Variants in LRP1B observed in about 807,000 individuals in gnomAD.
The protein encoded by LRP1B is LDL receptor related protein 1B.
A neutral mutation model predicts 556.6 loss-of-function variants in LRP1B; 217 were observed. The ratio of observed to expected loss-of-function variants is 0.39; its 90% CI spans 0.35 to 0.44. LRP1B has a LOEUF of 0.44. Ranked by LOEUF, LRP1B falls within the 20% of genes least tolerant of loss-of-function variation. LRP1B has a pLI of 1.00. For synonymous variants in LRP1B, 2,047 were observed against 1,865.8 expected, an observed-to-expected ratio of 1.10 and a Z score of -2.50; for missense variants, 5,053 against 5,620.8, an observed-to-expected ratio of 0.90 and a Z score of 3.23.
At chr2:141,671,133 A>T (rs1690650716) in intron 2 of LRP1B, among the ~76,000 whole-genome samples, 1 of 152,214 alleles carries the variant, frequency 6.6e-6, no homozygotes, top group Non-Finnish European at 1.5e-5. Flanking sequence ...TTAAATTACA[A>T]TTAGTGAGGT....
At chr2:141,927,172 T>G (rs1700356097) in intron 1 of LRP1B, among the ~76,000 whole-genome samples, 1 of 151,458 alleles carries the variant, frequency 6.6e-6, no homozygotes, top group Non-Finnish European at 1.5e-5. Context: ...TTACAATACT[T>G]TTAGAAAGAA....
intron 3 of LRP1B, among the ~76,000 whole-genome samples, chr2:141,462,544 A>G (rs978423074): frequency 1.3e-5 from 2 of 152,164 alleles, no homozygotes; most frequent in African/African-American, 4.8e-5. Context: ...CCTAATGCAT[A>G]AAGAGCTTAA....
intron 2 of LRP1B, among the ~76,000 whole-genome samples, chr2:141,624,803 G>A (rs1024395745): frequency 6.6e-6 from 1 of 151,794 alleles, no homozygotes; most frequent in African/African-American, 2.4e-5. Flanking sequence ...GGGGTCTCGC[G>A]CTGTCACCCA....
intron 3 of LRP1B, among the ~76,000 whole-genome samples, chr2:141,366,168 A>C (rs11899853): frequency 0.06 from 9,195 of 152,240 alleles, 385 homozygotes; most frequent in African/African-American, 0.11. Context: ...TTATTTGGTC[A>C]TTTTGATGGT....
intron 18 of LRP1B, among the ~76,000 whole-genome samples, chr2:140,970,580 G>C (rs72617082): frequency 0.029 from 4,395 of 152,152 alleles, 165 homozygotes; most frequent in East Asian, 0.19. Context: ...ACGTTCCTCA[G>C]TTGGAAATGC....
intron 1 of LRP1B, among the ~76,000 whole-genome samples, chr2:141,928,680 G>A (rs1700403893): frequency 6.6e-6 from 1 of 152,038 alleles, no homozygotes; most frequent in Admixed American, 6.6e-5. Context: ...TTGGCATGTT[G>A]GAAGCATGAA....
At chr2:140,378,547 GT>G (rs568215453) in intron 67 of LRP1B, among the ~76,000 whole-genome samples, 79 of 152,274 alleles carry the variant, frequency 5.2e-4, no homozygotes, top group African/African-American at 1.9e-3. Flanking sequence ...ATGGTCTACT[GT>G]TTAATAAAAA....
At chr2:141,096,679 A>G (rs145954401) in intron 7 of LRP1B, among the ~76,000 whole-genome samples, 1,204 of 88,412 alleles carry the variant, frequency 0.014, 157 homozygotes, top group East Asian at 0.091. Context: ...AGAGAGAGAG[A>G]GAGAGAGAGA....
Position 141,781,061 on chromosome 2 carries a change from C to T in LRP1B, c.205+29218G>A, listed in dbSNP as rs367661286. 9.9e-5 allele frequency among the ~76,000 whole-genome samples: 15 copies of T among 152,050 alleles called. 1 individual carries two copies. Among genetic ancestry groups the T allele is most frequent in the Admixed American group, 5.9e-4 (9 of 15,256 alleles). On this transcript the variant is annotated intron_variant, in intron 2 of 90. Coordinates refer to ENST00000389484, the MANE Select transcript of LRP1B (RefSeq NM_018557.3). ...GAATAGAGACCCAGAGAGGAGAATG[C>T]GGCACTTGTAGAGAGGAAAGCAGAT... is the stretch of plus-strand genomic sequence containing the variant.
intron 66 of LRP1B, among the ~76,000 whole-genome samples, chr2:140,427,095 A>T (rs1685692372): frequency 6.6e-6 from 1 of 152,058 alleles, no homozygotes; most frequent in Admixed American, 6.6e-5. Flanking sequence ...AAGGAGACAC[A>T]TTTTATCCGT....
intron 32 of LRP1B, among the ~76,000 whole-genome samples, chr2:140,779,954 A>G (rs1001190636): frequency 6.6e-6 from 1 of 152,060 alleles, no homozygotes; most frequent in African/African-American, 2.4e-5. Flanking sequence ...AAAGCCCCAG[A>G]ATAAATGCTA....
chr2:141,971,583 C>T (rs113896203), intron 1 of LRP1B, among the ~76,000 whole-genome samples: 15 of 151,206 alleles, frequency 9.9e-5, no homozygotes, highest in African/African-American at 3.1e-4. Flanking sequence ...GGGATTTTGT[C>T]GATGGTAACA....
intron 1 of LRP1B, among the ~76,000 whole-genome samples, chr2:142,073,957 G>A (rs1705410947): frequency 6.6e-6 from 1 of 151,954 alleles, no homozygotes; most frequent in Admixed American, 6.6e-5. Context: ...ACAGCTTGTG[G>A]AAGGAATCGT....
chr2:141,740,044 G>A (rs1693638480), intron 2 of LRP1B, among the ~76,000 whole-genome samples: 1 of 152,034 alleles, frequency 6.6e-6, no homozygotes, highest in African/African-American at 2.4e-5. Context: ...AAATTAATAA[G>A]AGGTTTGCGA....
chr2:141,005,797 C>A (rs1257565020), intron 14 of LRP1B, among the ~76,000 whole-genome samples: 3 of 151,898 alleles, frequency 2.0e-5, no homozygotes, highest in African/African-American at 7.3e-5. Flanking sequence ...GGAAAGTAGA[C>A]CACTGGCTCT....
At chr2:140,886,110 A>T (rs2105191794) in intron 24 of LRP1B, 28 bp downstream of exon 24, 7 of 1,382,284 alleles carry the variant, frequency 5.1e-6, no homozygotes, top group Non-Finnish European at 6.9e-6. Flanking sequence ...AGTAATCTAA[A>T]CATTAAGAAA....
chr2:141,072,371 T>G (rs922854795), intron 7 of LRP1B, among the ~76,000 whole-genome samples: 8 of 152,062 alleles, frequency 5.3e-5, no homozygotes, highest in Non-Finnish European at 1.0e-4. Context: ...ATCAAGGAAG[T>G]CAGTATCCCA....
At chr2:141,413,523 C>T (rs1460283968) in intron 3 of LRP1B, among the ~76,000 whole-genome samples, 2 of 152,102 alleles carry the variant, frequency 1.3e-5, no homozygotes, top group Admixed American at 6.5e-5. Flanking sequence ...TCCTGGGAGA[C>T]TTTGTTTGAT....
chr2:142,024,213 G>A (rs911764682), intron 1 of LRP1B, among the ~76,000 whole-genome samples: 4 of 152,178 alleles, frequency 2.6e-5, no homozygotes, highest in Admixed American at 2.0e-4. Flanking sequence ...ATTATCATTT[G>A]TTATAACCAT....
Sources: allele counts gnomAD v4.1 joint callset (sites outside exome capture counted in the v4.1 genomes callset), GRCh38; gene constraint gnomAD v4.1.1; transcripts MANE v1.5; gene names NCBI Gene and HGNC (gene_info 2026-07-23, HGNC 2026-07-21).